SLC30A8: variants seen among roughly 807,000 people sequenced by gnomAD.
The protein encoded by SLC30A8 is solute carrier family 30 member 8.
A neutral mutation model predicts 36.9 loss-of-function variants in SLC30A8; 27 were observed. The observed-to-expected ratio is 0.73, with a 90% CI of 0.54 to 1.01. The LOEUF is 1.01. SLC30A8 is among the 50% of genes least tolerant of loss of function. The pLI, the probability that SLC30A8 is intolerant of heterozygous loss-of-function variation, is 0.00. For synonymous variants in SLC30A8, 164 were observed against 172.4 expected, an observed-to-expected ratio of 0.95 and a Z score of 0.38; for missense variants, 439 against 452.0, an observed-to-expected ratio of 0.97 and a Z score of 0.26.
At chr8:117,157,182 A>G (rs1425177527) in intron 3 of SLC30A8, among the ~76,000 whole-genome samples, 1 of 152,190 alleles carries the variant, frequency 6.6e-6, no homozygotes, top group African/African-American at 2.4e-5. Context: ...TGTTTATAAT[A>G]TGTTGCGTTG....
intron 1 of SLC30A8, among the ~76,000 whole-genome samples, chr8:117,023,469 C>G (rs1326901886): frequency 3.9e-5 from 6 of 152,106 alleles, no homozygotes; most frequent in Non-Finnish European, 8.8e-5. Flanking sequence ...TTGGAACCAA[C>G]CCAAATGTCC....
chr8:117,148,258 A>G (rs1177378082), intron 2 of SLC30A8, among the ~76,000 whole-genome samples: 1 of 152,098 alleles, frequency 6.6e-6, no homozygotes, highest in Admixed American at 6.5e-5. Flanking sequence ...ATTAATGTTC[A>G]CATTAGATAT....
chr8:117,055,582 G>A lies in SLC30A8; in HGVS notation c.-226+16324G>A, dbSNP rs192343030. On this transcript the variant is annotated intron_variant, in intron 2 of 10. Transcript: ENST00000427715. ...CATTTCTTGTTGATATTTCTTCAAT[G>A]AGTATTTCTTTTTCTATATTCTGTG... Among the ~76,000 whole-genome samples the A allele has an allele frequency of 8.5e-5, 13 of 152,280 alleles. No homozygotes were observed. The East Asian group carries it at 2.1e-3, about 25-fold the overall frequency.
chr8:116,993,137 G>A (rs1428717351), intron 1 of SLC30A8, among the ~76,000 whole-genome samples: 2 of 151,418 alleles, frequency 1.3e-5, no homozygotes, highest in Non-Finnish European at 2.9e-5. Context: ...GTCACAGGGT[G>A]CAACTCTGAG....
At chr8:117,008,223 T>A (rs1683670086) in intron 1 of SLC30A8, among the ~76,000 whole-genome samples, 1 of 152,198 alleles carries the variant, frequency 6.6e-6, no homozygotes, top group Non-Finnish European at 1.5e-5. Context: ...TGAACTTTGC[T>A]CTTAATAATA....
At chr8:117,091,667 A>AT (rs1819133051) in intron 2 of SLC30A8, among the ~76,000 whole-genome samples, 1 of 152,206 alleles carries the variant, frequency 6.6e-6, no homozygotes, top group African/African-American at 2.4e-5. Context: ...AAATAGATGA[A>AT]TAAAAACTGG....
At chr8:117,055,256 A>G (rs569231527) in intron 2 of SLC30A8, among the ~76,000 whole-genome samples, 1 of 152,338 alleles carries the variant, frequency 6.6e-6, no homozygotes, top group African/African-American at 2.4e-5. Context: ...TTCTAATTGG[A>G]AAAAGATGAC....
chr8:116,990,765 T>C (rs1815612825), intron 1 of SLC30A8, among the ~76,000 whole-genome samples: 1 of 152,196 alleles, frequency 6.6e-6, no homozygotes. Context: ...TAATGTAAGA[T>C]GTTAACACAG....
chr8:117,138,794 T>A (rs1821488490), intron 1 of SLC30A8, among the ~76,000 whole-genome samples: 1 of 151,692 alleles, frequency 6.6e-6, no homozygotes, highest in Non-Finnish European at 1.5e-5. Context: ...GGAGCAAGAG[T>A]ATTGCTCCAG....
At chr8:117,158,617 G>T (rs576424901) in intron 4 of SLC30A8, among the ~76,000 whole-genome samples, 2 of 152,204 alleles carry the variant, frequency 1.3e-5, no homozygotes, top group Non-Finnish European at 2.9e-5. Flanking sequence ...TACAGGAGAT[G>T]AGCATATGTC....
intron 2 of SLC30A8, among the ~76,000 whole-genome samples, chr8:117,083,074 A>G (rs1217141018): frequency 6.6e-6 from 1 of 152,148 alleles, no homozygotes; most frequent in Non-Finnish European, 1.5e-5. Flanking sequence ...GGCAGAAATA[A>G]TGATCCTTCC....
chr8:116,996,127 C>T (rs747484823), intron 1 of SLC30A8, among the ~76,000 whole-genome samples: 1 of 152,166 alleles, frequency 6.6e-6, no homozygotes, highest in South Asian at 2.1e-4. Flanking sequence ...CCATCCACAC[C>T]ACCAGCCCCA....
At chr8:116,957,741 T>A (rs1315581359) in intron 1 of SLC30A8, among the ~76,000 whole-genome samples, 1 of 152,174 alleles carries the variant, frequency 6.6e-6, no homozygotes, top group Non-Finnish European at 1.5e-5. Context: ...GAGGTATTTC[T>A]ATTGTGGGAT....
At chr8:116,966,519 A>G (rs770387598) in intron 1 of SLC30A8, among the ~76,000 whole-genome samples, 3 of 152,114 alleles carry the variant, frequency 2.0e-5, no homozygotes, top group Admixed American at 6.6e-5. Flanking sequence ...AAAAAATCCT[A>G]CAAGTCGGTA....
intron 5 of SLC30A8, among the ~76,000 whole-genome samples, chr8:117,162,875 T>C (rs1227119210): frequency 6.6e-6 from 1 of 152,224 alleles, no homozygotes. Flanking sequence ...GCAAGGATGA[T>C]ACTTTGGTTC....
chr8:116,960,515 A>G lies in SLC30A8; in HGVS notation c.-266+9396A>G, dbSNP rs147718946. On this transcript the variant is annotated intron_variant, in intron 1 of 10. Transcript: ENST00000427715. ...ACTCTCATTGCCTTTACAAAGGGAA[A>G]TACCGTAAGTATTCGTAATCAGAGA... Among the ~76,000 whole-genome samples, 95 of 152,362 alleles carry G rather than the reference A, an allele frequency of 6.2e-4. 1 individual carries two copies. Among genetic ancestry groups the G allele is most frequent in the African/African-American group, 2.0e-3 (84 of 41,586 alleles).
chr8:117,065,631 G>T (rs916992912), intron 2 of SLC30A8, among the ~76,000 whole-genome samples: 1 of 151,904 alleles, frequency 6.6e-6, no homozygotes, highest in African/African-American at 2.4e-5. Context: ...GACTTTACAC[G>T]GTCTCTGTGG....
intron 1 of SLC30A8, among the ~76,000 whole-genome samples, chr8:116,983,480 A>G (rs988355493): frequency 6.6e-6 from 1 of 152,146 alleles, no homozygotes; most frequent in African/African-American, 2.4e-5. Flanking sequence ...ACTTCTCAAA[A>G]AGTGTTACTG....
intron 1 of SLC30A8, among the ~76,000 whole-genome samples, chr8:116,976,976 A>G (rs1267990418): frequency 6.8e-6 from 1 of 147,348 alleles, no homozygotes; most frequent in Non-Finnish European, 1.5e-5. Context: ...GTGTCACCAC[A>G]CCTGGCTAAT....
Sources: allele counts gnomAD v4.1 joint callset (sites outside exome capture counted in the v4.1 genomes callset), GRCh38; gene constraint gnomAD v4.1.1; transcripts MANE v1.5; gene names NCBI Gene and HGNC (gene_info 2026-07-23, HGNC 2026-07-21).